Variants in BCKDHB observed in about 807,000 individuals in gnomAD.
The protein encoded by BCKDHB is branched chain keto acid dehydrogenase E1 subunit beta.
Under a neutral mutation model 48.5 loss-of-function variants are expected in BCKDHB, and 41 were observed. The ratio of observed to expected loss-of-function variants is 0.85; its 90% CI spans 0.66 to 1.10. BCKDHB has a LOEUF of 1.10. Among genes scored for constraint, BCKDHB ranks in the 50% least tolerant of loss-of-function variants. The pLI, the probability that BCKDHB is intolerant of heterozygous loss-of-function variation, is 0.00. For missense variants in BCKDHB, 496 were observed against 494.2 expected, an observed-to-expected ratio of 1.00 and a Z score of -0.03; for synonymous variants, 201 against 174.8, an observed-to-expected ratio of 1.15 and a Z score of -1.18.
chr6:80,231,446 T>A (rs1251998165), intron 8 of BCKDHB, among the ~76,000 whole-genome samples: 3 of 152,152 alleles, frequency 2.0e-5, no homozygotes, highest in African/African-American at 7.2e-5. Flanking sequence ...GCAACACATA[T>A]AACAGAAAAA....
chr6:80,406,541 C>T, the BCKDHB span, among the ~76,000 whole-genome samples: 18 of 152,176 alleles, frequency 1.2e-4, no homozygotes, highest in Non-Finnish European at 2.2e-4. Flanking sequence ...TTTTAGTGAT[C>T]ACCATTCTAA....
chr6:80,291,138 T>A (rs9448918), intron 9 of BCKDHB, among the ~76,000 whole-genome samples: 6,964 of 152,288 alleles, frequency 0.046, 534 homozygotes, highest in African/African-American at 0.16. Context: ...GGTCTCAGCC[T>A]TATTTTACCC....
At chr6:80,362,176 G>A in the BCKDHB span, among the ~76,000 whole-genome samples, 1 of 152,102 alleles carries the variant, frequency 6.6e-6, no homozygotes, top group Non-Finnish European at 1.5e-5. Flanking sequence ...TGGGAAAGCG[G>A]CTGCTTATTT....
the BCKDHB span, among the ~76,000 whole-genome samples, chr6:80,429,211 G>T: frequency 6.6e-6 from 1 of 152,224 alleles, no homozygotes; most frequent in South Asian, 2.1e-4. Context: ...TGAGGCTTCT[G>T]TTCAGTTCTG....
chr6:80,264,794 T>C (rs772057547), intron 8 of BCKDHB, among the ~76,000 whole-genome samples: 1 of 152,122 alleles, frequency 6.6e-6, no homozygotes, highest in Non-Finnish European at 1.5e-5. Context: ...AGATTTTCTT[T>C]CCAATCCTCA....
At chr6:80,419,309 G>A in the BCKDHB span, among the ~76,000 whole-genome samples, 1 of 152,164 alleles carries the variant, frequency 6.6e-6, no homozygotes, top group Non-Finnish European at 1.5e-5. Flanking sequence ...TGCTGGTCAA[G>A]CATAATTCAC....
At chr6:80,389,036 T>G in the BCKDHB span, among the ~76,000 whole-genome samples, 33 of 152,062 alleles carry the variant, frequency 2.2e-4, no homozygotes, top group Non-Finnish European at 4.7e-4. Context: ...ACAAAGAAAT[T>G]TGGGGAAGAG....
At chr6:80,392,921 C>T in the BCKDHB span, among the ~76,000 whole-genome samples, 7,725 of 146,178 alleles carry the variant, frequency 0.053, 645 homozygotes, top group African/African-American at 0.18. Flanking sequence ...ATACTTATGC[C>T]GGCTTAAATA....
chr6:80,322,605 CTT>C (rs1768796228), intron 9 of BCKDHB, among the ~76,000 whole-genome samples: 1 of 152,080 alleles, frequency 6.6e-6, no homozygotes, highest in Non-Finnish European at 1.5e-5. Flanking sequence ...TTAGAGGAGA[CTT>C]TGGCTTAGTG....
At chr6:80,205,834 GTAGGT>G (rs1562135507) in intron 8 of BCKDHB, among the ~76,000 whole-genome samples, 8 of 129,968 alleles carry the variant, frequency 6.2e-5, no homozygotes, top group Non-Finnish European at 1.1e-4. Context: ...GTGTGTGTGT[GTAGGT>G]GGATTGGCTT....
chr6:80,197,665 C>T (rs1774191492), intron 6 of BCKDHB, among the ~76,000 whole-genome samples: 1 of 152,182 alleles, frequency 6.6e-6, no homozygotes, highest in South Asian at 2.1e-4. Context: ...ACTCTTGAAT[C>T]ATGGCCACTT....
At chr6:80,358,692 G>A in the BCKDHB span, among the ~76,000 whole-genome samples, 1 of 152,196 alleles carries the variant, frequency 6.6e-6, no homozygotes, top group Admixed American at 6.5e-5. Context: ...AAGACAGAAT[G>A]GAGATTGGTG....
chr6:80,152,277 T>G (rs1196297866), intron 3 of BCKDHB, among the ~76,000 whole-genome samples: 1 of 152,196 alleles, frequency 6.6e-6, no homozygotes, highest in African/African-American at 2.4e-5. Flanking sequence ...TTTAGATTGC[T>G]CCATTTAAGA....
At chr6:80,292,333 C>T (rs1286426207) in intron 9 of BCKDHB, among the ~76,000 whole-genome samples, 1 of 152,190 alleles carries the variant, frequency 6.6e-6, no homozygotes, top group African/African-American at 2.4e-5. Context: ...CACAGTTCCA[C>T]ATGGCTGGAG....
At chr6:80,162,899 C>A (rs749617133) in intron 3 of BCKDHB, among the ~76,000 whole-genome samples, 2 of 151,846 alleles carry the variant, frequency 1.3e-5, no homozygotes, top group African/African-American at 4.8e-5. Context: ...CCTCTAGTGA[C>A]TGCTCCCTTT....
intron 9 of BCKDHB, among the ~76,000 whole-genome samples, chr6:80,305,099 A>G (rs1767790635): frequency 6.6e-6 from 1 of 152,162 alleles, no homozygotes; most frequent in Non-Finnish European, 1.5e-5. Context: ...TTCTACATAG[A>G]AAATCTAATT....
chr6:80,296,878 G>GA (rs1317501428), intron 9 of BCKDHB, among the ~76,000 whole-genome samples: 3 of 151,960 alleles, frequency 2.0e-5, no homozygotes, highest in Non-Finnish European at 4.4e-5. Context: ...TAATCTTAGG[G>GA]AAAAAAATCC....
chr6:80,352,590 C>T, the BCKDHB span, among the ~76,000 whole-genome samples: 2,435 of 152,228 alleles, frequency 0.016, 57 homozygotes, highest in African/African-American at 0.056. Flanking sequence ...TCTAATTCAA[C>T]CATTCTAATA....
intron 3 of BCKDHB, among the ~76,000 whole-genome samples, chr6:80,155,635 C>T (rs1193887385): frequency 6.6e-6 from 1 of 152,068 alleles, no homozygotes; most frequent in Non-Finnish European, 1.5e-5. Context: ...ATTGAATTAT[C>T]ACATTGATTC....
Sources: gnomAD v4.1 joint callset for allele counts (sites outside exome capture counted in the v4.1 genomes callset) on GRCh38, gnomAD v4.1.1 for gene constraint, MANE v1.5 for transcripts, NCBI Gene and HGNC (gene_info 2026-07-23, HGNC 2026-07-21) for gene names.